Variants in C12orf42 observed in about 807,000 individuals in gnomAD.
The protein encoded by C12orf42 is uncharacterized protein C12orf42.
A neutral mutation model predicts 21.6 loss-of-function variants in C12orf42; 25 were observed. That is an observed-to-expected ratio of 1.16 (90% confidence interval 0.84 to 1.62). The LOEUF is 1.62. Among genes scored for constraint, C12orf42 ranks in the 40% most tolerant of loss-of-function variants. The probability of loss-of-function intolerance (pLI) is 0.00; values close to 1 mark genes in which losing one functional copy is unlikely to be tolerated. For missense variants in C12orf42, 483 were observed against 459.3 expected (o/e 1.05, Z -0.47); for synonymous variants, 174 against 175.0 (o/e 0.99, Z 0.05).
At chr12:103,387,776 T>C (rs902468262) in intron 3 of C12orf42, among the ~76,000 whole-genome samples, 2 of 152,138 alleles carry the variant, frequency 1.3e-5, no homozygotes, top group African/African-American at 4.8e-5. Context: ...ATGTCAGAGG[T>C]ACTCGAGAAA....
chr12:103,078,907 A>C, the C12orf42 span, among the ~76,000 whole-genome samples: 3 of 152,188 alleles, frequency 2.0e-5, no homozygotes, highest in Non-Finnish European at 4.4e-5. Context: ...CTTATACTGC[A>C]CACTAAACCA....
chr12:103,130,663 G>A, the C12orf42 span, among the ~76,000 whole-genome samples: 7 of 152,090 alleles, frequency 4.6e-5, no homozygotes, highest in African/African-American at 1.7e-4. Flanking sequence ...GTGAAGCTTG[G>A]TGCAGGCTCA....
the C12orf42 span, among the ~76,000 whole-genome samples, chr12:103,561,679 C>T: frequency 6.6e-6 from 1 of 152,144 alleles, no homozygotes; most frequent in Non-Finnish European, 1.5e-5. Context: ...CTGCTTAAAG[C>T]AAACAACAAA....
At chr12:103,057,147 C>A in the C12orf42 span, among the ~76,000 whole-genome samples, 1 of 150,150 alleles carries the variant, frequency 6.7e-6, no homozygotes, top group East Asian at 1.9e-4. Flanking sequence ...TTTTCTGACA[C>A]TGTGCTGACA....
the C12orf42 span, among the ~76,000 whole-genome samples, chr12:103,063,749 T>C: frequency 6.6e-6 from 1 of 152,176 alleles, no homozygotes; most frequent in East Asian, 1.9e-4. Flanking sequence ...AGGTTCAGAG[T>C]GTGACCCATG....
chr12:103,396,870 A>G (rs996359626), intron 3 of C12orf42, among the ~76,000 whole-genome samples: 1 of 152,194 alleles, frequency 6.6e-6, no homozygotes, highest in Admixed American at 6.5e-5. Context: ...CATGATAAAG[A>G]CTTTGGATTT....
intron 4 of C12orf42, among the ~76,000 whole-genome samples, chr12:103,279,804 A>C (rs908289096): frequency 3.9e-5 from 6 of 152,164 alleles, no homozygotes; most frequent in Non-Finnish European, 8.8e-5. Context: ...CTCGTGTTGA[A>C]AGATGGGACA....
At chr12:103,500,751 G>T (rs562458720), upstream of C12orf42, among the ~76,000 whole-genome samples, 1 of 152,214 alleles carries the variant, frequency 6.6e-6, no homozygotes, top group Non-Finnish European at 1.5e-5. Context: ...GTACTGGAAA[G>T]AGCATGGATT....
At chr12:103,061,768 A>G in the C12orf42 span, among the ~76,000 whole-genome samples, 3 of 151,710 alleles carry the variant, frequency 2.0e-5, no homozygotes, top group Non-Finnish European at 4.4e-5. Context: ...TCAAAGAGGT[A>G]TCTCTTATAA....
chr12:103,048,047 T>C, the C12orf42 span, among the ~76,000 whole-genome samples: 2 of 152,008 alleles, frequency 1.3e-5, no homozygotes, highest in Admixed American at 6.6e-5. Flanking sequence ...AGGAGGGAAA[T>C]AACTAGGGCA....
chr12:103,291,872 T>G lies in C12orf42; in HGVS notation n.338-14662A>C, dbSNP rs2036849754. On this transcript the variant is annotated intron_variant and non_coding_transcript_variant, in intron 4 of 6. Coordinates refer to the C12orf42 transcript ENST00000546526. ...GATCTTGTTTTGATCAATGGGGTCA[T>G]GACTGGTGCTTGGAAAACAAGTCCT... 7.2e-5 allele frequency among the ~76,000 whole-genome samples: 11 copies of G among 152,162 alleles called. 1 individual carries two copies. The highest frequency in any genetic ancestry group is 6.6e-4 in the Admixed American group (10 of 15,262).
intron 2 of C12orf42, among the ~76,000 whole-genome samples, chr12:103,417,649 T>C (rs2139048025): frequency 6.6e-6 from 1 of 152,342 alleles, no homozygotes; most frequent in South Asian, 2.1e-4. Context: ...TATTAACCTT[T>C]AAGCACTTTG....
At chr12:103,170,734 C>A in the C12orf42 span, among the ~76,000 whole-genome samples, 2 of 152,136 alleles carry the variant, frequency 1.3e-5, no homozygotes, top group Admixed American at 1.3e-4. Context: ...TTACACCCAA[C>A]GCACTCAATT....
At chr12:103,049,795 G>A in the C12orf42 span, among the ~76,000 whole-genome samples, 1 of 152,012 alleles carries the variant, frequency 6.6e-6, no homozygotes, top group African/African-American at 2.4e-5. Flanking sequence ...CTTTCCCCTA[G>A]GTAATCTGCT....
At chr12:103,387,214 C>T (rs71466267) in intron 3 of C12orf42, among the ~76,000 whole-genome samples, 9,411 of 152,230 alleles carry the variant, frequency 0.062, 411 homozygotes, top group South Asian at 0.16. Flanking sequence ...TTCAATATCC[C>T]GGGCTTGCTA....
At chr12:103,438,551 C>T (rs1188184230) in intron 2 of C12orf42, among the ~76,000 whole-genome samples, 1 of 152,070 alleles carries the variant, frequency 6.6e-6, no homozygotes, top group Non-Finnish European at 1.5e-5. Flanking sequence ...TAAGCAACTT[C>T]AGCAAAGTCT....
the C12orf42 span, among the ~76,000 whole-genome samples, chr12:103,162,046 C>T: frequency 6.6e-6 from 1 of 152,142 alleles, no homozygotes; most frequent in East Asian, 1.9e-4. Flanking sequence ...CCTTTTCCCT[C>T]CTAATGCCCC....
chr12:103,236,879 A>G (rs2033485278), downstream of C12orf42, among the ~76,000 whole-genome samples: 1 of 152,194 alleles, frequency 6.6e-6, no homozygotes, highest in Admixed American at 6.6e-5. Flanking sequence ...ATCTTTCGTT[A>G]AATCTATGAG....
intron 3 of C12orf42, among the ~76,000 whole-genome samples, chr12:103,377,831 G>A (rs1829711099): frequency 6.6e-6 from 1 of 152,186 alleles, no homozygotes; most frequent in Non-Finnish European, 1.5e-5. Context: ...CCCCTGTGTA[G>A]ACTGAAGTTG....
Sources: gnomAD v4.1 joint callset for allele counts (sites outside exome capture counted in the v4.1 genomes callset) on GRCh38, gnomAD v4.1.1 for gene constraint, MANE v1.5 for transcripts, NCBI Gene and HGNC (gene_info 2026-07-23, HGNC 2026-07-21) for gene names.